Variants in TRIM71 observed in about 807,000 individuals in gnomAD.
TRIM71 encodes the protein E3 ubiquitin-protein ligase TRIM71.
A neutral mutation model predicts 61.2 loss-of-function variants in TRIM71; 9 were observed. That is an observed-to-expected ratio of 0.15 (90% confidence interval 0.09 to 0.26). The LOEUF (loss-of-function observed/expected upper bound fraction) is 0.26, where lower values mean the gene tolerates loss of function less well. Ranked by LOEUF, TRIM71 falls within the 10% of genes least tolerant of loss-of-function variation. The pLI is 1.00. For synonymous variants in TRIM71, 645 were observed against 553.2 expected, an observed-to-expected ratio of 1.17 and a Z score of -2.33; for missense variants, 998 against 1,238.7, an observed-to-expected ratio of 0.81 and a Z score of 2.92.
chr3:32,891,692 A>G lies in TRIM71; in HGVS notation c.2488A>G (p.Lys830Glu). The G allele has an allele frequency of 3.1e-6, 5 of 1,614,060 alleles. No individual in the cohort carries two copies. The highest frequency in any genetic ancestry group is 4.2e-6 in the Non-Finnish European group (5 of 1,179,992). ...TGAATCCAACGGCAGCTTCCTGTGCAAGTTTGGTGCTCAAGGCAGCGGCTT... is the reference window on the plus strand; with the variant it reads ...TGAATCCAACGGCAGCTTCCTGTGCGAGTTTGGTGCTCAAGGCAGCGGCTT... ...MFESNGSFLC[K>E]FGAQGSGFGQ... The change falls in exon 4 of 4, where the codon AAG becomes GAG. Residue 830 changes from lysine to glutamate, a missense_variant. Lys to Glu is a moderately conservative substitution (Grantham distance 56, BLOSUM62 1). This residue lies in a region of TRIM71 where 95 missense variants were observed against 159.0 expected (regional missense o/e 0.60). Transcript: ENST00000383763. This position sits in a 1 kb window ranked among gnomAD's most constrained non-coding sequence, Gnocchi z 8.2.
At chr3:32,821,994 C>G (rs1327520162) in intron 1 of TRIM71, among the ~76,000 whole-genome samples, 1 of 152,132 alleles carries the variant, frequency 6.6e-6, no homozygotes, top group Non-Finnish European at 1.5e-5. Context: ...GTTGTGAGCG[C>G]TGCTCCAGCT....
intron 1 of TRIM71, among the ~76,000 whole-genome samples, chr3:32,867,125 C>G (rs991554327): frequency 3.9e-5 from 6 of 152,014 alleles, no homozygotes; most frequent in Admixed American, 2.0e-4. Flanking sequence ...TGAGTAGATG[C>G]CTCTGACCCC....
intron 1 of TRIM71, among the ~76,000 whole-genome samples, chr3:32,844,678 A>G (rs1178298810): frequency 2.0e-5 from 3 of 152,206 alleles, no homozygotes; most frequent in Non-Finnish European, 4.4e-5. Context: ...GTAGACCTGT[A>G]TTATTATCAG....
chr3:32,847,288 C>G (rs528679347), intron 1 of TRIM71, among the ~76,000 whole-genome samples: 1 of 151,840 alleles, frequency 6.6e-6, no homozygotes, highest in Non-Finnish European at 1.5e-5. Context: ...CCTCCGCGTC[C>G]CGGGTCCAAG....
At chr3:32,867,175 C>G in intron 1 of TRIM71, among the ~76,000 whole-genome samples, 1 of 151,926 alleles carries the variant, frequency 6.6e-6, no homozygotes, top group East Asian at 1.9e-4. Flanking sequence ...TTTACCACCC[C>G]CCTCCCCCTC....
chr3:32,830,511 T>C (rs1408290487), intron 1 of TRIM71, among the ~76,000 whole-genome samples: 2 of 152,184 alleles, frequency 1.3e-5, no homozygotes, highest in Non-Finnish European at 2.9e-5. Context: ...TATTCCAGAT[T>C]GCCGGGAATG....
In TRIM71 at chr3:32,895,491, T is replaced by A. The variant is rs542431567; in HGVS notation, c.*3680T>A. On this transcript the variant is annotated 3_prime_UTR_variant, in exon 4 of 4. Transcript: ENST00000383763. ...CAGCAAAATACTGTTTATATATGTG[T>A]TACCTTCCTCGTTGGAAGATTCTAC... The A allele has an allele frequency of 1.8e-4, 28 of 152,240 alleles. No homozygotes were observed. Among genetic ancestry groups the A allele is most frequent in the Non-Finnish European group, 3.2e-4 (22 of 68,040 alleles). The allele number at this position is 152,240 out of a possible 1,614,324, so 9.4% of individuals were successfully genotyped here.
intron 1 of TRIM71, among the ~76,000 whole-genome samples, chr3:32,861,471 G>C (rs1452842498): frequency 1.3e-5 from 2 of 151,664 alleles, no homozygotes; most frequent in East Asian, 4.1e-4. Flanking sequence ...GGTGGCTCAC[G>C]CCTGTAATCC....
At chr3:32,881,027 A>T in intron 2 of TRIM71, among the ~76,000 whole-genome samples, 1 of 151,762 alleles carries the variant, frequency 6.6e-6, no homozygotes, top group East Asian at 2.0e-4. Flanking sequence ...GTATATATAT[A>T]TATTTTTTTG....
At chr3:32,826,156 A>T (rs760845493) in intron 1 of TRIM71, among the ~76,000 whole-genome samples, 33 of 152,186 alleles carry the variant, frequency 2.2e-4, no homozygotes, top group Non-Finnish European at 4.3e-4. Context: ...ATGGGGGAAG[A>T]TCCCACTCAA....
chr3:32,819,159 G>A (rs535677310), intron 1 of TRIM71, among the ~76,000 whole-genome samples: 1 of 152,196 alleles, frequency 6.6e-6, no homozygotes, highest in Non-Finnish European at 1.5e-5. Flanking sequence ...ATCCCATAGC[G>A]TGGGGTCCTC....
chr3:32,819,092 G>A (rs1696098835), intron 1 of TRIM71, among the ~76,000 whole-genome samples, 160 bp downstream of exon 1: 1 of 152,212 alleles, frequency 6.6e-6, no homozygotes, highest in African/African-American at 2.4e-5. Context: ...AGTAGATCAT[G>A]ACCTGGGAAG....
chr3:32,880,588 T>A (rs1226463055), intron 2 of TRIM71, among the ~76,000 whole-genome samples: 1 of 152,196 alleles, frequency 6.6e-6, no homozygotes, highest in Non-Finnish European at 1.5e-5. Context: ...TGGATTGTCC[T>A]ATAAAGAGAA....
At chr3:32,866,101 C>G (rs1264631695) in intron 1 of TRIM71, among the ~76,000 whole-genome samples, 1 of 152,012 alleles carries the variant, frequency 6.6e-6, no homozygotes, top group African/African-American at 2.4e-5. Flanking sequence ...GCTGGGATTA[C>G]AGGCGTGAGC....
intron 2 of TRIM71, among the ~76,000 whole-genome samples, chr3:32,877,785 C>T (rs901709147): frequency 3.9e-5 from 6 of 152,130 alleles, no homozygotes; most frequent in Non-Finnish European, 5.9e-5. Flanking sequence ...ACCACATCTG[C>T]AGTGACTTCC....
chr3:32,861,563 CAA>C (rs1453797380), intron 1 of TRIM71, among the ~76,000 whole-genome samples: 1 of 152,070 alleles, frequency 6.6e-6, no homozygotes, highest in Non-Finnish European at 1.5e-5. Flanking sequence ...CCTGTCTCTA[CAA>C]AAAAATAAAA....
At chr3:32,867,606 G>C (rs1168487836) in intron 1 of TRIM71, among the ~76,000 whole-genome samples, 3 of 152,078 alleles carry the variant, frequency 2.0e-5, no homozygotes, top group African/African-American at 4.8e-5. Flanking sequence ...ACCTAAACCA[G>C]CATCCCCAGC....
intron 1 of TRIM71, among the ~76,000 whole-genome samples, chr3:32,836,173 A>C (rs551195829): frequency 3.3e-4 from 51 of 152,248 alleles, no homozygotes; most frequent in African/African-American, 1.2e-3. Flanking sequence ...TGAGATGTTA[A>C]TAGATCCCAG....
intron 1 of TRIM71, among the ~76,000 whole-genome samples, chr3:32,831,630 G>A (rs1054894583): frequency 6.8e-6 from 1 of 148,022 alleles, no homozygotes; most frequent in African/African-American, 2.5e-5. Flanking sequence ...CCTCCGACTC[G>A]GGTTCAAGTG....
Sources: allele counts gnomAD v4.1 joint callset (sites outside exome capture counted in the v4.1 genomes callset), GRCh38; gene constraint gnomAD v4.1.1; regional missense constraint gnomAD v4.1.1; non-coding constraint Gnocchi (gnomAD v3.1); transcripts MANE v1.5; gene names NCBI Gene and HGNC (gene_info 2026-07-23, HGNC 2026-07-21).